Variants in CPT1A observed in about 807,000 individuals in gnomAD.
CPT1A encodes carnitine O-palmitoyltransferase 1, liver isoform.
Under a neutral mutation model 100.8 loss-of-function variants are expected in CPT1A, and 64 were observed. The observed-to-expected ratio is 0.63, with a 90% CI of 0.52 to 0.78. CPT1A has a LOEUF of 0.78. Ranked by LOEUF, CPT1A falls within the 30% of genes least tolerant of loss-of-function variation. CPT1A has a pLI of 0.00. For synonymous variants in CPT1A, 363 were observed against 396.0 expected, an observed-to-expected ratio of 0.92 and a Z score of 0.99; for missense variants, 802 against 1,034.1, an observed-to-expected ratio of 0.78 and a Z score of 3.08.
At chr11:68,800,740 T>TA (rs898241211) in intron 5 of CPT1A, among the ~76,000 whole-genome samples, 14 of 152,164 alleles carry the variant, frequency 9.2e-5, no homozygotes, top group Admixed American at 4.6e-4. Context: ...TTGTCTGCTG[T>TA]AAAAAACAAA....
intron 4 of CPT1A, among the ~76,000 whole-genome samples, chr11:68,806,337 A>G (rs1260481373): frequency 6.6e-6 from 1 of 152,128 alleles, no homozygotes; most frequent in Non-Finnish European, 1.5e-5. Flanking sequence ...CCCCCATAAA[A>G]ACATTTAAAT....
At chr11:68,772,237 C>T (rs1268657603) in intron 14 of CPT1A, among the ~76,000 whole-genome samples, 1 of 152,136 alleles carries the variant, frequency 6.6e-6, no homozygotes, top group Non-Finnish European at 1.5e-5. Context: ...CCTGTAATCC[C>T]AGCTACTCGG....
At chr11:68,816,029 G>A (rs1202328965) in intron 1 of CPT1A, among the ~76,000 whole-genome samples, 1 of 151,828 alleles carries the variant, frequency 6.6e-6, no homozygotes, top group East Asian at 1.9e-4. Flanking sequence ...CCGGAACCAC[G>A]CCTCCAAGCC....
chr11:68,775,024 G>A (rs1855105797), intron 13 of CPT1A, among the ~76,000 whole-genome samples: 1 of 152,098 alleles, frequency 6.6e-6, no homozygotes, highest in African/African-American at 2.4e-5. Context: ...TTTAGTTTTT[G>A]ATTATGAGCA....
In CPT1A at chr11:68,763,314, C is replaced by G. The variant is rs546324110; in HGVS notation, c.1741-553G>C. 3.3e-5 allele frequency among the ~76,000 whole-genome samples: 5 copies of G among 151,686 alleles called. No homozygotes were observed. The South Asian group carries it at 8.4e-4, about 25-fold the overall frequency. ...GCAACTGATACTATGACACCCCCCC[C>G]ACCCCCGAGTCCAACACACCTCTGC... On this transcript the variant is annotated intron_variant, in intron 14 of 18. Coordinates refer to ENST00000265641, the MANE Select transcript of CPT1A (RefSeq NM_001876.4).
chr11:68,815,449 G>C lies in CPT1A; in HGVS notation c.26C>G (p.Ala9Gly). ...GTCCGGAGTGACCGTGAACTGAAAG[G>C]CCACAGCTTGGTGAGCTTCTGCCAT... MAEAHQAV[A>G]FQFTVTPDGI... The change falls in exon 2 of 19, where the codon GCC becomes GGC. Residue 9 changes from alanine (A) to glycine (G), a missense_variant. Transcript: ENST00000265641. The C allele has an allele frequency of 6.2e-7, 1 of 1,614,098 alleles. No individual in the cohort carries two copies. The highest frequency in any genetic ancestry group is 8.5e-7 in the Non-Finnish European group (1 of 1,180,012).
chr11:68,825,570 C>T (rs1286248779), intron 1 of CPT1A, among the ~76,000 whole-genome samples: 1 of 152,180 alleles, frequency 6.6e-6, no homozygotes. Context: ...CCTGAACAGT[C>T]ACCACCTGCT....
At position 68,756,418 on chromosome 11, in the gene CPT1A, A is replaced by G. The variant is rs1412425085; in HGVS notation, c.*1226T>C. 1 of 152,250 alleles carries G rather than the reference A, an allele frequency of 6.6e-6. No individual in the cohort carries two copies. The highest frequency in any genetic ancestry group is 1.5e-5 in the Non-Finnish European group (1 of 68,066). 9.4% of individuals were successfully genotyped at this position (152,250 alleles called of 1,614,324 possible). ...TCGTGAAGGCACTCCTATCTGAAGG[A>G]CAGGCTGGGTGAACACCTAGCACTG... On this transcript the variant is annotated 3_prime_UTR_variant, in exon 19 of 19. Coordinates refer to ENST00000265641, the MANE Select transcript of CPT1A (RefSeq NM_001876.4).
intron 5 of CPT1A, 126 bp downstream of exon 5, chr11:68,803,874 C>T (rs914585934): frequency 1.4e-6 from 1 of 728,076 alleles, no homozygotes; most frequent in Non-Finnish European, 2.5e-6. Flanking sequence ...CCTATGAGAA[C>T]CCTACCAGGC....
chr11:68,807,006 T>C (rs539830902), intron 4 of CPT1A, among the ~76,000 whole-genome samples: 1 of 152,126 alleles, frequency 6.6e-6, no homozygotes, highest in African/African-American at 2.4e-5. Context: ...TGGACAAGCA[T>C]CCACATATAT....
At chr11:68,773,523 C>T in intron 13 of CPT1A, 94 bp from the exon 14 acceptor site, 2 of 1,588,642 alleles carry the variant, frequency 1.3e-6, no homozygotes, top group Non-Finnish European at 1.7e-6. Flanking sequence ...TTTAGTGCAG[C>T]TATAAACTCG....
intron 2 of CPT1A, among the ~76,000 whole-genome samples, chr11:68,815,054 T>C: frequency 6.6e-6 from 1 of 152,152 alleles, no homozygotes; most frequent in Non-Finnish European, 1.5e-5. Context: ...AATTCTAGTC[T>C]TTACTCTGCC....
rs1855282055 is a variant in CPT1A, at chr11:68,780,640, C to A, written c.1458G>T (p.Glu486Asp). Residue 486 changes from glutamate to aspartate, a missense_variant and splice_region_variant, in exon 12 of 19, where the codon GAG (glutamate) becomes GAT (aspartate). Physicochemically the swap from Glu to Asp is conservative, Grantham distance 45. This residue lies in a region of CPT1A where 627 missense variants were observed against 799.3 expected (regional missense o/e 0.78). Transcript: ENST00000265641. Reference protein sequence around the residue: ...ADAPIVAHLWEYVMSIDSLQL... With the variant: ...ADAPIVAHLWDYVMSIDSLQL... ...TCAAGTGAAAAGTGTGAAAACTCACCTCCCAAAGGTGGGCCACGATCGGCG... is the reference window on the plus strand; with the variant it reads ...TCAAGTGAAAAGTGTGAAAACTCACATCCCAAAGGTGGGCCACGATCGGCG... 3 of 1,613,636 alleles carry A rather than the reference C, an allele frequency of 1.9e-6. No individual in the cohort carries two copies. The South Asian group carries it at 3.3e-5, about 18-fold the overall frequency.
intron 9 of CPT1A, among the ~76,000 whole-genome samples, chr11:68,792,445 G>T (rs1250398520): frequency 4.6e-5 from 7 of 152,236 alleles, no homozygotes; most frequent in Non-Finnish European, 4.4e-5. Context: ...ATGGTCTTGG[G>T]CTCTAGCTCA....
rs1319341024 is a variant in CPT1A at position 68,804,014 on chromosome 11, CTT to C, written c.539_540del (p.Lys180ArgfsTer133). 1 of 1,613,858 alleles carries C rather than the reference CTT, an allele frequency of 6.2e-7. No individual in the cohort carries two copies. The highest frequency in any genetic ancestry group is 8.5e-7 in the Non-Finnish European group (1 of 1,179,744). On this transcript the variant is annotated frameshift_variant, in exon 5 of 19. Transcript: ENST00000265641. LOFTEE classifies it high-confidence loss of function. The part of the protein sequence containing the change: ...SLPRLPVPAV[K>X]DTVNRYLQSV... ...GCCACACCTACCCTGTTCACAGTGT[CTT>C]TGACAGCCGGGACCGGCAGGCGAGG...
intron 9 of CPT1A, 37 bp from the exon 10 acceptor site, chr11:68,785,047 G>A (rs1286731980): frequency 5.0e-6 from 8 of 1,602,036 alleles, no homozygotes; most frequent in Non-Finnish European, 2.6e-6. Context: ...AAAACCAAGA[G>A]TCCCAAGTTC....
At chr11:68,816,619 C>T (rs555254653) in intron 1 of CPT1A, among the ~76,000 whole-genome samples, 1 of 152,350 alleles carries the variant, frequency 6.6e-6, no homozygotes, top group Admixed American at 6.5e-5. Flanking sequence ...CCTGGACCCC[C>T]CGGGGTGGTG....
In CPT1A at chr11:68,757,645, TA is replaced by T. The variant is rs747461409; in HGVS notation, c.2320del (p.Ter774AsnfsTer14). ...TCCTTCCCAGCAGCTCCAGTGGAAT[TA>T]CTTTTTGGAATTAGAACTGAGACCA... ...LFGLSSNSKK[*>X] On this transcript the variant is annotated frameshift_variant and stop_lost, in exon 19 of 19. Coordinates refer to ENST00000265641, the MANE Select transcript of CPT1A (RefSeq NM_001876.4). LOFTEE classifies it high-confidence loss of function. 3 of 1,614,196 alleles carry T rather than the reference TA, an allele frequency of 1.9e-6. No individual in the cohort carries two copies. The South Asian group carries it at 3.3e-5, about 18-fold the overall frequency.
chr11:68,776,147 C>G lies in CPT1A; in HGVS notation c.1459-715G>C, dbSNP rs542160775. 1.9e-3 allele frequency among the ~76,000 whole-genome samples: 291 copies of G among 152,332 alleles called. 1 individual carries two copies. Among genetic ancestry groups the G allele is most frequent in the Admixed American group, 4.4e-3 (67 of 15,300 alleles). ...GGCGCGGTGCCTCACTTCAGTAATCCCAGCACTTTGGGAGGCCAAGGTGGG... is the reference window on the plus strand; with the variant it reads ...GGCGCGGTGCCTCACTTCAGTAATCGCAGCACTTTGGGAGGCCAAGGTGGG... On this transcript the variant is annotated intron_variant, in intron 12 of 18. Coordinates refer to ENST00000265641, the MANE Select transcript of CPT1A (RefSeq NM_001876.4).
Sources: gnomAD v4.1 joint callset for allele counts (sites outside exome capture counted in the v4.1 genomes callset) on GRCh38, gnomAD v4.1.1 for gene constraint, gnomAD v4.1.1 regional missense constraint, MANE v1.5 for transcripts, NCBI Gene and HGNC (gene_info 2026-07-23, HGNC 2026-07-21) for gene names.